Variants in MRE11 observed in about 807,000 individuals in gnomAD.
MRE11 encodes double-strand break repair protein MRE11.
MRE11 carries 62 observed loss-of-function variants against 91.7 expected under a neutral mutation model. The observed-to-expected ratio is 0.68, with a 90% CI of 0.55 to 0.84. The LOEUF is 0.84. Ranked by LOEUF, MRE11 falls within the 40% of genes least tolerant of loss-of-function variation. The pLI is 0.00. For synonymous variants in MRE11, 273 were observed against 271.4 expected (o/e 1.01, Z -0.06); for missense variants, 796 against 852.9 (o/e 0.93, Z 0.83).
chr11:94,467,042 G>T lies in MRE11; in HGVS notation c.1098+771C>A, dbSNP rs573708155. On this transcript the variant is annotated intron_variant, in intron 10 of 19. Coordinates refer to ENST00000323929, the MANE Select transcript of MRE11 (RefSeq NM_005591.4). The stretch of plus-strand genomic sequence containing the variant: ...CAGCAAGATGAGACACGATCTATTG[G>T]ATTGAACAATTAAAGGTCATCTTTT... Among the ~76,000 whole-genome samples the T allele has an allele frequency of 2.6e-5, 4 of 152,312 alleles. No homozygotes were observed. In the South Asian group the frequency reaches 8.3e-4, roughly 32 times the overall value.
At position 94,471,657 on chromosome 11, in the gene MRE11, G is replaced by A. The variant is rs876659504; in HGVS notation, c.762C>T (p.Thr254=). 6.2e-7 allele frequency: 1 copy of A among 1,612,768 alleles called. No individual in the cohort carries two copies. Among genetic ancestry groups the A allele is most frequent in the Non-Finnish European group, 8.5e-7 (1 of 1,179,144 alleles). The change falls in exon 8 of 20, where the codon ACC becomes ACT. Residue 254 remains threonine, a synonymous_variant. Coordinates refer to ENST00000323929, the MANE Select transcript of MRE11 (RefSeq NM_005591.4). ...GHEHECKIAP[T]KNEQQLFYIS... ...TATAAAACAGCTGTTGTTCATTTTT[G>A]GTTGGAGCTATTTTACACTCATGTT...
At chr11:94,492,727 T>C in intron 2 of MRE11, 55 bp downstream of exon 2, 1 of 1,608,686 alleles carries the variant, frequency 6.2e-7, no homozygotes, top group Non-Finnish European at 8.5e-7. Context: ...GTGATCACAG[T>C]TGACGAGCTT....
the MRE11 span, among the ~76,000 whole-genome samples, chr11:94,512,097 C>T: frequency 1.3e-5 from 2 of 152,290 alleles, no homozygotes; most frequent in East Asian, 3.9e-4. Flanking sequence ...ACCTGCACAC[C>T]GGTTCCACTT....
At chr11:94,508,866 A>G in the MRE11 span, among the ~76,000 whole-genome samples, 1 of 150,502 alleles carries the variant, frequency 6.6e-6, no homozygotes, top group African/African-American at 2.5e-5. Context: ...GATTCAAGCC[A>G]TTCTCCTGCC....
rs1005817752 is a variant in MRE11, at chr11:94,419,932, A to G, written c.*193T>C. 102 of 454,068 alleles carry G rather than the reference A, an allele frequency of 2.2e-4. 2 individuals carry two copies. The highest frequency in any genetic ancestry group is 1.8e-3 in the Middle Eastern group (3 of 1,688). 28.1% of individuals were successfully genotyped at this position (454,068 alleles called of 1,614,324 possible). A position where few individuals can be genotyped will look rare whatever the true frequency, so the allele number is the denominator to read the frequency against. On this transcript the variant is annotated 3_prime_UTR_variant, in exon 20 of 20. Transcript: ENST00000323929. ...CTTTACTCAAGAGTGATATTGAAAC[A>G]AAGCTCTTACTACAACAACCAGGTT... is the stretch of plus-strand genomic sequence containing the variant.
rs545618926 is a variant in MRE11 at position 94,483,128 on chromosome 11, C to CA, written c.314+2795dup. Among the ~76,000 whole-genome samples the CA allele has an allele frequency of 4.6e-5, 7 of 150,632 alleles. No homozygotes were observed. In the South Asian group the frequency reaches 1.5e-3, roughly 32 times the overall value. On this transcript the variant is annotated intron_variant, in intron 4 of 19. Transcript: ENST00000323929. The stretch of plus-strand genomic sequence containing the variant: ...AAACATTTTCATGTGGACAAAATCT[C>CA]AAAAAAAAATTTACCTCCCAATATA...
rs372404360 is a variant in MRE11 at position 94,457,887 on chromosome 11, T to TCTCACACACA, written c.1500+1520_1500+1521insTGTGTGTGAG. Among the ~76,000 whole-genome samples the TCTCACACACA allele has an allele frequency of 2.5e-3, 367 of 144,290 alleles. 2 individuals are homozygous for TCTCACACACA. The highest frequency in any genetic ancestry group is 7.6e-3 in the African/African-American group (295 of 38,648). The allele number at this position is 144,290 out of a possible 152,430, so 94.7% of individuals were successfully genotyped here. ...TTCTCTCTCTCCCTCTCTCTCTCTCTCACACACACACACACACACACACAC... is the reference window on the plus strand; with the variant it reads ...TTCTCTCTCTCCCTCTCTCTCTCTCTCTCACACACACACACACACACACACACACACACAC... On this transcript the variant is annotated intron_variant, in intron 13 of 19. Transcript: ENST00000323929.
chr11:94,419,840 C>T lies in MRE11; in HGVS notation c.*285G>A. The T allele has an allele frequency of 3.7e-6, 1 of 266,984 alleles. No homozygotes were observed. 16.5% of individuals were successfully genotyped at this position (266,984 alleles called of 1,614,324 possible). ...TCCCTCAACTTTGGCTAAATGTAAC[C>T]ATATTAAAATACTGACATAGTTTTT... is the stretch of plus-strand genomic sequence containing the variant. On this transcript the variant is annotated 3_prime_UTR_variant, in exon 20 of 20. Transcript: ENST00000323929.
chr11:94,485,546 G>A (rs1947119315), intron 4 of MRE11, among the ~76,000 whole-genome samples: 1 of 149,564 alleles, frequency 6.7e-6, no homozygotes, highest in Non-Finnish European at 1.5e-5. Flanking sequence ...CAGAGGATAC[G>A]AACAGGAGAG....
intron 4 of MRE11, 136 bp downstream of exon 4, chr11:94,485,788 T>C (rs550185748): frequency 2.4e-6 from 2 of 822,686 alleles, no homozygotes; most frequent in African/African-American, 1.7e-5. Context: ...TACAATGATG[T>C]ACAAAAAAAT....
chr11:94,470,010 A>G (rs1946664790), intron 9 of MRE11, among the ~76,000 whole-genome samples: 1 of 152,086 alleles, frequency 6.6e-6, no homozygotes, highest in African/African-American at 2.4e-5. Context: ...CATTGCAGCA[A>G]TAGGGTGGAT....
At chr11:94,467,405 G>A (rs879799793) in intron 10 of MRE11, among the ~76,000 whole-genome samples, 1 of 152,122 alleles carries the variant, frequency 6.6e-6, no homozygotes, top group Non-Finnish European at 1.5e-5. Context: ...CAGGGCACTG[G>A]AGAGAAGGTA....
At chr11:94,487,778 T>C (rs1221537527) in intron 3 of MRE11, among the ~76,000 whole-genome samples, 11 of 152,312 alleles carry the variant, frequency 7.2e-5, no homozygotes, top group African/African-American at 2.4e-4. Flanking sequence ...TGTGACAAAA[T>C]GTTAGAAAAC....
At chr11:94,484,837 G>C (rs894764048) in intron 4 of MRE11, among the ~76,000 whole-genome samples, 1 of 152,146 alleles carries the variant, frequency 6.6e-6, no homozygotes, top group Admixed American at 6.5e-5. Flanking sequence ...GAAAGACAAG[G>C]AAAGACAGAA....
chr11:94,505,595 A>C, the MRE11 span, among the ~76,000 whole-genome samples: 1 of 152,258 alleles, frequency 6.6e-6, no homozygotes, highest in South Asian at 2.1e-4. Context: ...AAGTTTATAA[A>C]GTAAAAAAAG....
the MRE11 span, among the ~76,000 whole-genome samples, chr11:94,506,514 T>C: frequency 5.3e-5 from 8 of 151,038 alleles, no homozygotes; most frequent in Non-Finnish European, 1.2e-4. Flanking sequence ...TAAGTCAATA[T>C]AGTTATTAAA....
Position 94,476,315 on chromosome 11 carries a change from A to C in MRE11, c.633T>G (p.Phe211Leu). 6.2e-7 allele frequency: 1 copy of C among 1,612,916 alleles called. No homozygotes were observed. Among genetic ancestry groups the C allele is most frequent in the Non-Finnish European group, 8.5e-7 (1 of 1,179,042 alleles). The part of the protein sequence containing the change: ...LRPKEDENSW[F>L]NLFVIHQNRS... ...TGTTCTGATGAATCACAAATAAGTTAAACCAAGAGTTCTCATCTTCCTTTG... is the reference window on the plus strand; with the variant it reads ...TGTTCTGATGAATCACAAATAAGTTCAACCAAGAGTTCTCATCTTCCTTTG... The change falls in exon 7 of 20, where the codon TTT becomes TTG. Residue 211 changes from phenylalanine (F) to leucine (L), a missense_variant. Physicochemically the swap from Phe to Leu is conservative, Grantham distance 22. Transcript: ENST00000323929.
chr11:94,497,892 C>T, upstream of MRE11: 1 of 567,586 alleles, frequency 1.8e-6, no homozygotes, highest in Non-Finnish European at 3.1e-6. Context: ...CTTGTTCATT[C>T]TTAAATCAGT....
At chr11:94,505,354 G>A in the MRE11 span, among the ~76,000 whole-genome samples, 20 of 152,284 alleles carry the variant, frequency 1.3e-4, no homozygotes, top group Non-Finnish European at 2.5e-4. Context: ...ACAAGATGTG[G>A]AGGGGGAAGA....
Sources: gnomAD v4.1 joint callset for allele counts (sites outside exome capture counted in the v4.1 genomes callset) on GRCh38, gnomAD v4.1.1 for gene constraint, MANE v1.5 for transcripts, NCBI Gene and HGNC (gene_info 2026-07-23, HGNC 2026-07-21) for gene names.